HECW1: variants seen among roughly 807,000 people sequenced by gnomAD.
HECW1 encodes HECT, C2 and WW domain containing E3 ubiquitin protein ligase 1, also known as E3 ubiquitin-protein ligase HECW1.
HECW1 carries 61 observed loss-of-function variants against 182.3 expected under a neutral mutation model. The ratio of observed to expected loss-of-function variants is 0.33; its 90% CI spans 0.27 to 0.41. The LOEUF (loss-of-function observed/expected upper bound fraction) is 0.41. HECW1 is among the 10% of genes least tolerant of loss of function. The pLI, the probability that HECW1 is intolerant of heterozygous loss-of-function variation, is 1.00. For synonymous variants in HECW1, 859 were observed against 832.6 expected, an observed-to-expected ratio of 1.03 and a Z score of -0.55; for missense variants, 1,739 against 2,108.9, an observed-to-expected ratio of 0.82 and a Z score of 3.44.
chr7:43,358,132 G>A (rs370399215), intron 5 of HECW1, among the ~76,000 whole-genome samples: 2 of 152,132 alleles, frequency 1.3e-5, no homozygotes, highest in Non-Finnish European at 2.9e-5. Context: ...CCACCCAACT[G>A]AGATGAAGGT....
chr7:43,237,415 C>T (rs1798478241), intron 2 of HECW1, among the ~76,000 whole-genome samples: 1 of 152,170 alleles, frequency 6.6e-6, no homozygotes, highest in Non-Finnish European at 1.5e-5. Context: ...GCAGGGACCA[C>T]ACTAATCTTT....
intron 9 of HECW1, among the ~76,000 whole-genome samples, chr7:43,442,268 G>A (rs1204359127): frequency 6.6e-6 from 1 of 152,242 alleles, no homozygotes; most frequent in East Asian, 1.9e-4. Flanking sequence ...AAGCTATGAT[G>A]TTTGGCAGGC....
chr7:43,355,975 A>G (rs1289171893), intron 5 of HECW1, among the ~76,000 whole-genome samples: 2 of 151,326 alleles, frequency 1.3e-5, no homozygotes. Context: ...GCAACAGAGC[A>G]AGACTCCGTT....
At chr7:43,450,603 TG>T (rs1381592298) in intron 11 of HECW1, among the ~76,000 whole-genome samples, 5 of 152,212 alleles carry the variant, frequency 3.3e-5, no homozygotes, top group African/African-American at 4.8e-5. Flanking sequence ...TTGGACTGTG[TG>T]GCGCAGATCA....
chr7:43,115,831 T>C (rs1784999505), intron 2 of HECW1, among the ~76,000 whole-genome samples: 1 of 152,242 alleles, frequency 6.6e-6, no homozygotes, highest in African/African-American at 2.4e-5. Context: ...ATAGCCTTTT[T>C]GTTCATAGAG....
At chr7:43,135,052 C>T (rs1248196066) in intron 2 of HECW1, among the ~76,000 whole-genome samples, 3 of 151,988 alleles carry the variant, frequency 2.0e-5, no homozygotes, top group Non-Finnish European at 4.4e-5. Context: ...TGTATTGATT[C>T]TTCCCCCTGT....
Position 43,550,538 on chromosome 7 carries a change from G to A in HECW1, c.4342G>A (p.Val1448Met), listed in dbSNP as rs758044929. Residue 1448 changes from valine to methionine, a missense_variant, in exon 27 of 30, where the codon GTG (valine) becomes ATG (methionine). Transcript: ENST00000395891. ...CATCGAGCGCATGGTGAAGTGGCGG[G>A]TGGAGCGCGGCGTGGTACAGCAGAC... The part of the protein sequence containing the change: ...EYIERMVKWR[V>M]ERGVVQQTEA... 1 of 1,612,404 alleles carries A rather than the reference G, an allele frequency of 6.2e-7. No homozygotes were observed. Among genetic ancestry groups the A allele is most frequent in the Non-Finnish European group, 8.5e-7 (1 of 1,179,280 alleles).
At chr7:43,409,467 G>T (rs1404372500) in intron 8 of HECW1, among the ~76,000 whole-genome samples, 1 of 152,214 alleles carries the variant, frequency 6.6e-6, no homozygotes, top group South Asian at 2.1e-4. Context: ...GGTGTTTTAA[G>T]TGTCAGGGAA....
chr7:43,271,504 G>A (rs1802404705), intron 3 of HECW1, among the ~76,000 whole-genome samples: 1 of 152,162 alleles, frequency 6.6e-6, no homozygotes, highest in African/African-American at 2.4e-5. Flanking sequence ...AACGATTTTA[G>A]CAAGGTTGTA....
At chr7:43,535,445 A>G (rs1163577927) in intron 24 of HECW1, among the ~76,000 whole-genome samples, 1 of 152,104 alleles carries the variant, frequency 6.6e-6, no homozygotes, top group Admixed American at 6.5e-5. Context: ...CATCTCCCAG[A>G]CATCTGGGGA....
At chr7:43,324,252 G>A (rs1810504097) in intron 5 of HECW1, among the ~76,000 whole-genome samples, 1 of 152,144 alleles carries the variant, frequency 6.6e-6, no homozygotes, top group South Asian at 2.1e-4. Flanking sequence ...TCAAACTAAT[G>A]TAGTATAATT....
At chr7:43,315,856 C>G (rs550517255) in intron 4 of HECW1, among the ~76,000 whole-genome samples, 1 of 152,182 alleles carries the variant, frequency 6.6e-6, no homozygotes, top group East Asian at 1.9e-4. Flanking sequence ...GAGATTTTTT[C>G]CCAAGATTTG....
At chr7:43,172,015 C>T (rs143569200) in intron 2 of HECW1, among the ~76,000 whole-genome samples, 405 of 151,920 alleles carry the variant, frequency 2.7e-3, no homozygotes, top group African/African-American at 9.5e-3. Context: ...CAGTGGCTCA[C>T]ATCTGTAATC....
intron 2 of HECW1, among the ~76,000 whole-genome samples, chr7:43,130,919 A>T (rs1463090923): frequency 6.6e-6 from 1 of 152,206 alleles, no homozygotes; most frequent in African/African-American, 2.4e-5. Context: ...ATATGTATGT[A>T]TCTATTATGC....
chr7:43,242,162 T>C (rs1798951617), intron 2 of HECW1, among the ~76,000 whole-genome samples: 1 of 152,156 alleles, frequency 6.6e-6, no homozygotes, highest in Admixed American at 6.5e-5. Context: ...CTAAAGGAAG[T>C]GTGAAGCCAC....
chr7:43,273,458 T>C (rs941952050), intron 3 of HECW1, among the ~76,000 whole-genome samples: 3 of 152,192 alleles, frequency 2.0e-5, no homozygotes, highest in Admixed American at 1.3e-4. Flanking sequence ...AGTGATAGAA[T>C]AAAAAATATT....
intron 15 of HECW1, 101 bp downstream of exon 15, chr7:43,466,669 A>G (rs1307494173): frequency 4.5e-6 from 6 of 1,341,020 alleles, no homozygotes; most frequent in Non-Finnish European, 6.0e-6. Flanking sequence ...GAATTTTAAC[A>G]TAAGCAAGAA....
At chr7:43,482,782 G>C (rs2078485427) in intron 17 of HECW1, among the ~76,000 whole-genome samples, 1 of 152,102 alleles carries the variant, frequency 6.6e-6, no homozygotes, top group African/African-American at 2.4e-5. Context: ...GCGTGCACCT[G>C]TGCTCCCAGC....
chr7:43,258,066 G>A (rs190286456), intron 3 of HECW1, among the ~76,000 whole-genome samples: 299 of 152,250 alleles, frequency 2.0e-3, no homozygotes, highest in Non-Finnish European at 3.2e-3. Flanking sequence ...AAGGCCAGGC[G>A]TGGTGGCTCA....
Sources: allele counts gnomAD v4.1 joint callset (sites outside exome capture counted in the v4.1 genomes callset), GRCh38; gene constraint gnomAD v4.1.1; transcripts MANE v1.5; gene names NCBI Gene and HGNC (gene_info 2026-07-23, HGNC 2026-07-21).